CDC20B: variants seen among roughly 807,000 people sequenced by gnomAD.
CDC20B encodes cell division cycle 20B.
Under a neutral mutation model 64.1 loss-of-function variants are expected in CDC20B, and 58 were observed. The ratio of observed to expected loss-of-function variants is 0.90; its 90% CI spans 0.73 to 1.13. The LOEUF (loss-of-function observed/expected upper bound fraction) is 1.13, where lower values mean the gene tolerates loss of function less well. Among genes scored for constraint, CDC20B ranks in the 50% most tolerant of loss-of-function variants. The pLI is 0.00. For missense variants in CDC20B, 597 were observed against 633.0 expected (o/e 0.94, Z 0.61); for synonymous variants, 243 against 230.6 (o/e 1.05, Z -0.49).
At chr5:55,148,674 G>A (rs1743572339) in intron 2 of CDC20B, among the ~76,000 whole-genome samples, 1 of 152,176 alleles carries the variant, frequency 6.6e-6, no homozygotes, top group African/African-American at 2.4e-5. Flanking sequence ...CTCCAGCCTG[G>A]GCGACAAAGT....
intron 2 of CDC20B, chr5:55,164,886 GTAT>G (rs1744299084): frequency 6.6e-6 from 1 of 151,996 alleles, no homozygotes. Flanking sequence ...ATAAATGACC[GTAT>G]TATAACATTT....
chr5:55,136,307 C>G (rs543495799), intron 5 of CDC20B, among the ~76,000 whole-genome samples: 5 of 151,786 alleles, frequency 3.3e-5, no homozygotes, highest in African/African-American at 1.2e-4. Flanking sequence ...CACCTGTAAT[C>G]CCAGCACTTT....
At position 55,133,830 on chromosome 5, in the gene CDC20B, C is replaced by T. The variant is rs180774876; in HGVS notation, c.581-302G>A. On this transcript the variant is annotated intron_variant, in intron 5 of 11. Coordinates refer to ENST00000381375, the MANE Select transcript of CDC20B (RefSeq NM_001170402.1). ...GAGTACACAGAGATACTACATCATGCTTTGAATATTTATTCTGTTATTTGG... is the reference window on the plus strand; with the variant it reads ...GAGTACACAGAGATACTACATCATGTTTTGAATATTTATTCTGTTATTTGG... Among the ~76,000 whole-genome samples the T allele has an allele frequency of 1.8e-3, 276 of 152,186 alleles. 2 individuals are homozygous for T. The Middle Eastern group carries it at 0.02, about 11-fold the overall frequency.
chr5:55,133,852 T>A (rs62360385), intron 5 of CDC20B, among the ~76,000 whole-genome samples: 1 of 152,076 alleles, frequency 6.6e-6, no homozygotes, highest in East Asian at 1.9e-4. Flanking sequence ...ATTCTGTTAT[T>A]TGGGATTTTA....
chr5:55,131,258 A>C (rs1743021623), intron 6 of CDC20B, among the ~76,000 whole-genome samples: 1 of 152,356 alleles, frequency 6.6e-6, no homozygotes, highest in South Asian at 2.1e-4. Context: ...TGATGTGTAC[A>C]ATAGTAACTC....
rs80175920 is a variant in CDC20B at position 55,127,103 on chromosome 5, C to A, written c.989+154G>T. Among the ~76,000 whole-genome samples, 359 of 152,162 alleles carry A rather than the reference C, an allele frequency of 2.4e-3. 1 individual carries two copies. Among genetic ancestry groups the A allele is most frequent in the African/African-American group, 8.3e-3 (346 of 41,524 alleles). On this transcript the variant is annotated intron_variant, in intron 8 of 11. Transcript: ENST00000381375. The stretch of plus-strand genomic sequence containing the variant: ...CTTACATGACCAGCAGATCTGAATA[C>A]CTGAGAGGGTGGGATCATACCTGAT...
chr5:55,134,093 C>T (rs1466731007), intron 5 of CDC20B, among the ~76,000 whole-genome samples: 5 of 152,224 alleles, frequency 3.3e-5, no homozygotes, highest in Non-Finnish European at 4.4e-5. Flanking sequence ...TAATTTTACC[C>T]ATGACTATCT....
At chr5:55,124,742 G>A (rs1368336459) in intron 9 of CDC20B, 61 bp downstream of exon 9, 3 of 1,351,080 alleles carry the variant, frequency 2.2e-6, no homozygotes, top group Non-Finnish European at 3.1e-6. Context: ...CTTTTTATAT[G>A]TGAAGGATAC....
Position 55,172,266 on chromosome 5 carries a change from C to T in CDC20B, c.126+322G>A, listed in dbSNP as rs112705432. On this transcript the variant is annotated intron_variant, in intron 2 of 11. Transcript: ENST00000381375. ...TTCCATTTCTTTGGGGGGCGTGCTT[C>T]TGAATGCAACAGAGAGGAGTGCAAC... 7.5e-3 allele frequency: 1,819 copies of T among 242,764 alleles called. 37 individuals are homozygous for T. Among genetic ancestry groups the T allele is most frequent in the African/African-American group, 0.04 (1,711 of 43,268 alleles). 15.0% of individuals were successfully genotyped at this position (242,764 alleles called of 1,614,324 possible).
intron 2 of CDC20B, among the ~76,000 whole-genome samples, chr5:55,147,293 GTTATGTTTTATA>G (rs1743520678): frequency 7.8e-6 from 1 of 127,726 alleles, no homozygotes; most frequent in Non-Finnish European, 1.6e-5. Context: ...ACATAAATAT[GTTATGTTTTATA>G]TATTTATATA....
At chr5:55,163,172 A>G (rs1419626791) in intron 2 of CDC20B, among the ~76,000 whole-genome samples, 1 of 152,114 alleles carries the variant, frequency 6.6e-6, no homozygotes, top group African/African-American at 2.4e-5. Flanking sequence ...ATAAATCTTG[A>G]GTGGTATAAA....
At chr5:55,133,596 T>A in intron 5 of CDC20B, 68 bp from the exon 6 acceptor site, 5 of 688,896 alleles carry the variant, frequency 7.3e-6, no homozygotes, top group Middle Eastern at 5.4e-4. Flanking sequence ...CTTGTGGGAA[T>A]TAAGAAATAA....
intron 2 of CDC20B, among the ~76,000 whole-genome samples, chr5:55,167,355 T>C (rs1017068903): frequency 1.6e-4 from 24 of 152,222 alleles, no homozygotes; most frequent in African/African-American, 5.8e-4. Context: ...ACTGTATCAA[T>C]AGTATATATA....
In CDC20B at chr5:55,114,070, T is replaced by C; in HGVS notation, c.*148A>G. 1 of 1,359,912 alleles carries C rather than the reference T, an allele frequency of 7.4e-7. No individual in the cohort carries two copies. 84.2% of individuals were successfully genotyped at this position (1,359,912 alleles called of 1,614,324 possible). A position where few individuals can be genotyped will look rare whatever the true frequency, so the allele number is the denominator to read the frequency against. ...GGGAAGCAGAGCAAGTAAAGCAATCTGCAAAAGAAGAACAGGAGAACAGGC... is the reference window on the plus strand; with the variant it reads ...GGGAAGCAGAGCAAGTAAAGCAATCCGCAAAAGAAGAACAGGAGAACAGGC... On this transcript the variant is annotated 3_prime_UTR_variant, in exon 12 of 12. Coordinates refer to ENST00000381375, the MANE Select transcript of CDC20B (RefSeq NM_001170402.1). The surrounding 1 kb of genome is among the most constrained non-coding windows in gnomAD (Gnocchi z 4.1).
At chr5:55,120,745 G>A (rs1377656217) in intron 9 of CDC20B, among the ~76,000 whole-genome samples, 195 bp from the exon 10 acceptor site, 1 of 152,158 alleles carries the variant, frequency 6.6e-6, no homozygotes, top group Non-Finnish European at 1.5e-5. Flanking sequence ...TTCTGGAAGG[G>A]AAGGTACCTA....
rs1384943580 is a variant in CDC20B, at chr5:55,120,548, G to C, written c.1218C>G (p.Ala406=). 6.2e-7 allele frequency: 1 copy of C among 1,613,218 alleles called. No homozygotes were observed. The highest frequency in any genetic ancestry group is 1.1e-5 in the South Asian group (1 of 91,016). The change falls in exon 10 of 12, where the codon GCC becomes GCG. Residue 406 remains alanine, a splice_region_variant and synonymous_variant. Coordinates refer to ENST00000381375, the MANE Select transcript of CDC20B (RefSeq NM_001170402.1). Reference sequence around the variant, plus strand: ...CAGACTGCCAGGGACACCAATCCATGGCCTTTAAAGTTTCACATAATAGCA... The same window carrying C: ...CAGACTGCCAGGGACACCAATCCATCGCCTTTAAAGTTTCACATAATAGCA... ...KVITQSTAVK[A]MDWCPWQSGV... is the part of the protein sequence containing the mutation.
chr5:55,137,199 GAA>G (rs1743201433), intron 5 of CDC20B: 1 of 152,402 alleles, frequency 6.6e-6, no homozygotes, highest in African/African-American at 2.5e-5. Context: ...AAAAAAGAAA[GAA>G]AGCACTGAGA....
chr5:55,125,977 T>C (rs566694479), intron 8 of CDC20B, among the ~76,000 whole-genome samples: 27 of 152,296 alleles, frequency 1.8e-4, no homozygotes, highest in African/African-American at 5.8e-4. Flanking sequence ...ACATAAAAAG[T>C]ATAGCACAGT....
At chr5:55,171,455 C>T (rs533447111) in intron 2 of CDC20B, among the ~76,000 whole-genome samples, 1 of 152,190 alleles carries the variant, frequency 6.6e-6, no homozygotes, top group South Asian at 2.1e-4. Flanking sequence ...AAAACTGCAG[C>T]AGTGTTTGGG....
Sources: allele counts gnomAD v4.1 joint callset (sites outside exome capture counted in the v4.1 genomes callset), GRCh38; gene constraint gnomAD v4.1.1; non-coding constraint Gnocchi (gnomAD v3.1); transcripts MANE v1.5; gene names NCBI Gene and HGNC (gene_info 2026-07-23, HGNC 2026-07-21).